LY86: variants seen among roughly 807,000 people sequenced by gnomAD.
LY86 encodes lymphocyte antigen 86, also known as MD-1, RP105-associated.
Under a neutral mutation model 17.3 loss-of-function variants are expected in LY86, and 20 were observed. The observed-to-expected ratio is 1.15, with a 90% CI of 0.81 to 1.68. The LOEUF (loss-of-function observed/expected upper bound fraction) is 1.68. Among genes scored for constraint, LY86 ranks in the 40% most tolerant of loss-of-function variants. LY86 has a pLI of 0.00. For synonymous variants in LY86, 74 were observed against 70.6 expected, an observed-to-expected ratio of 1.05 and a Z score of -0.24; for missense variants, 200 against 191.9, an observed-to-expected ratio of 1.04 and a Z score of -0.25.
intron 1 of LY86, among the ~76,000 whole-genome samples, chr6:6,612,538 A>C (rs921289872): frequency 6.6e-6 from 1 of 152,232 alleles, no homozygotes; most frequent in African/African-American, 2.4e-5. Context: ...CCAACCACAC[A>C]AAAGCAACGA....
At chr6:6,597,670 A>C (rs531826293) in intron 1 of LY86, among the ~76,000 whole-genome samples, 43 of 152,340 alleles carry the variant, frequency 2.8e-4, no homozygotes, top group African/African-American at 1.0e-3. Flanking sequence ...GGTAGTGTGC[A>C]CGTCAGCATC....
At chr6:6,593,027 G>T (rs376252580) in intron 1 of LY86, among the ~76,000 whole-genome samples, 2 of 152,228 alleles carry the variant, frequency 1.3e-5, no homozygotes, top group East Asian at 3.8e-4. Context: ...GTTATTGTTT[G>T]TAAGGAGGGT....
At chr6:6,636,083 T>C (rs940625354) in intron 3 of LY86, among the ~76,000 whole-genome samples, 1 of 152,170 alleles carries the variant, frequency 6.6e-6, no homozygotes, top group African/African-American at 2.4e-5. Flanking sequence ...GTTTCCAGTT[T>C]CGTACATCAG....
chr6:6,603,591 C>CAGAAA (rs1760983568), intron 1 of LY86, among the ~76,000 whole-genome samples: 3 of 23,378 alleles, frequency 1.3e-4, no homozygotes, highest in Non-Finnish European at 4.7e-4. Flanking sequence ...AAGCCAAAAA[C>CAGAAA]AAAAACAGAA....
intron 1 of LY86, among the ~76,000 whole-genome samples, chr6:6,614,695 A>G (rs1335957745): frequency 6.6e-6 from 1 of 151,928 alleles, no homozygotes; most frequent in Non-Finnish European, 1.5e-5. Flanking sequence ...AAATCTTTTC[A>G]TGCCTAAGAT....
intron 1 of LY86, among the ~76,000 whole-genome samples, chr6:6,605,396 G>T (rs1440526639): frequency 5.9e-5 from 9 of 152,238 alleles, no homozygotes; most frequent in African/African-American, 2.2e-4. Flanking sequence ...CCAAACTCAT[G>T]TGAGTACATC....
chr6:6,610,068 T>G (rs1761292664), intron 1 of LY86, among the ~76,000 whole-genome samples: 1 of 152,154 alleles, frequency 6.6e-6, no homozygotes, highest in South Asian at 2.1e-4. Flanking sequence ...ATTACACACA[T>G]GAGCCACCAC....
intron 3 of LY86, among the ~76,000 whole-genome samples, chr6:6,638,819 CCA>C (rs1341397132): frequency 8.6e-6 from 1 of 116,082 alleles, no homozygotes; most frequent in East Asian, 3.1e-4. Context: ...TCCCCCCACC[CCA>C]CAACAGTCCC....
chr6:6,603,264 T>A (rs1760970928), intron 1 of LY86, among the ~76,000 whole-genome samples: 1 of 151,946 alleles, frequency 6.6e-6, no homozygotes, highest in East Asian at 1.9e-4. Context: ...GACACAAACA[T>A]TCATACCAAA....
intron 1 of LY86, among the ~76,000 whole-genome samples, chr6:6,613,318 G>A (rs997625675): frequency 2.6e-5 from 4 of 152,226 alleles, no homozygotes; most frequent in Non-Finnish European, 5.9e-5. Context: ...GGAGCGCTAT[G>A]GAGCAGGGTG....
intron 3 of LY86, among the ~76,000 whole-genome samples, chr6:6,647,244 C>T (rs549952348): frequency 1.3e-5 from 2 of 152,146 alleles, no homozygotes; most frequent in Non-Finnish European, 2.9e-5. Flanking sequence ...TCCTTTCCAC[C>T]TTCTTAAACC....
chr6:6,652,702 C>G (rs528828593), intron 4 of LY86, among the ~76,000 whole-genome samples: 1 of 152,224 alleles, frequency 6.6e-6, no homozygotes, highest in South Asian at 2.1e-4. Flanking sequence ...AGAAACGCTG[C>G]ACTCAGTCCT....
At chr6:6,639,793 G>A (rs1171858803) in intron 3 of LY86, among the ~76,000 whole-genome samples, 2 of 152,148 alleles carry the variant, frequency 1.3e-5, no homozygotes, top group East Asian at 3.9e-4. Context: ...CACAGTTTCT[G>A]GGGATTATGA....
rs1415097988 is a variant in LY86 at position 6,593,195 on chromosome 6, TTTC to T, written c.136+4328_136+4330del. Among the ~76,000 whole-genome samples, 17 of 152,376 alleles carry T rather than the reference TTTC, an allele frequency of 1.1e-4. No homozygotes were observed. The South Asian group carries it at 3.3e-3, about 30-fold the overall frequency. ...CTTAGAAACTCTGGGGGAGAATCCC[TTTC>T]TTTTCTTTTCCAGCTTGTATAGGTG... On this transcript the variant is annotated intron_variant, in intron 1 of 4. Transcript: ENST00000230568.
rs527296340 is a variant in LY86 at position 6,605,855 on chromosome 6, G to A, written c.136+16985G>A. Among the ~76,000 whole-genome samples the A allele has an allele frequency of 2.6e-5, 4 of 151,836 alleles. No individual in the cohort carries two copies. In the South Asian group the frequency reaches 8.3e-4, roughly 32 times the overall value. ...CCCGGTGAATGTTACAGCTCTTAAG[G>A]GGGCATCTGGAGCTCTTCGTTTCTC... On this transcript the variant is annotated intron_variant, in intron 1 of 4. Transcript: ENST00000230568.
rs1207511602 is a variant in LY86, at chr6:6,603,603, C to CAAAAAAAAA, written c.136+14734_136+14735insAAAAAAAAA. 3.1e-4 allele frequency among the ~76,000 whole-genome samples: 22 copies of CAAAAAAAAA among 70,446 alleles called. 1 individual carries two copies. The highest frequency in any genetic ancestry group is 6.1e-4 in the Non-Finnish European group (19 of 31,130). 46.2% of individuals were successfully genotyped at this position (70,446 alleles called of 152,430 possible). A position where few individuals can be genotyped will look rare whatever the true frequency, so the allele number is the denominator to read the frequency against. On this transcript the variant is annotated intron_variant, in intron 1 of 4. Transcript: ENST00000230568. ...CCAAAGCCAAAAACAAAAACAGAAA[C>CAAAAAAAAA]AGAAAAAAAAACAAACAAAAAAAAA...
chr6:6,605,748 G>C (rs1306917153), intron 1 of LY86, among the ~76,000 whole-genome samples: 1 of 152,220 alleles, frequency 6.6e-6, no homozygotes, highest in African/African-American at 2.4e-5. Flanking sequence ...AAGGCAGTGT[G>C]TCCAGAACTT....
intron 3 of LY86, among the ~76,000 whole-genome samples, chr6:6,627,007 C>T (rs1761801174): frequency 6.6e-6 from 1 of 152,164 alleles, no homozygotes; most frequent in Non-Finnish European, 1.5e-5. Flanking sequence ...GGGCAGGTCA[C>T]CTTCCCCCAC....
At chr6:6,623,641 T>A (rs1581246574) in intron 1 of LY86, among the ~76,000 whole-genome samples, 1 of 152,198 alleles carries the variant, frequency 6.6e-6, no homozygotes, top group African/African-American at 2.4e-5. Context: ...TGTACATTTA[T>A]GGAGTGCTTA....
Sources: allele counts gnomAD v4.1 joint callset (sites outside exome capture counted in the v4.1 genomes callset), GRCh38; gene constraint gnomAD v4.1.1; transcripts MANE v1.5; gene names NCBI Gene and HGNC (gene_info 2026-07-23, HGNC 2026-07-21).